The following RRH variants were observed in gnomAD, a reference collection of about 807,000 sequenced individuals.
RRH encodes the protein retinal pigment epithelium-derived rhodopsin homolog.
Under a neutral mutation model 33.1 loss-of-function variants are expected in RRH, and 36 were observed. The observed-to-expected ratio is 1.09, with a 90% CI of 0.83 to 1.44. RRH has a LOEUF of 1.44. Among genes scored for constraint, RRH ranks in the 40% most tolerant of loss-of-function variants. RRH has a pLI of 0.00. For synonymous variants in RRH, 124 were observed against 140.2 expected (o/e 0.88, Z 0.82); for missense variants, 393 against 420.2 (o/e 0.94, Z 0.57).
chr4:109,828,078 C>T lies in RRH; in HGVS notation c.51C>T (p.Gly17=), dbSNP rs761459177. 2.5e-6 allele frequency: 4 copies of T among 1,612,854 alleles called. No homozygotes were observed. In the Admixed American group the frequency reaches 6.7e-5, roughly 27 times the overall value. ...GNSSDSKNED[G]SVFSQTEHNI... ...GTTCAGACTCTAAAAATGAAGATGG[C>T]TCGGTCTTTTCACAGACTGAACACA... Residue 17 remains glycine (G), a synonymous_variant, in exon 1 of 7, where the codon GGC becomes GGT. Transcript: ENST00000317735.
Position 109,837,625 on chromosome 4 carries a change from G to A in RRH, c.720+20G>A, listed in dbSNP as rs748238560. The stretch of plus-strand genomic sequence containing the variant: ...ACAAAGGTAAGAGATCAAAATCCTT[G>A]AAAAATTGTTGTCATGGAGCTTTTA... On this transcript the variant is annotated intron_variant, in intron 5 of 6. Coordinates refer to ENST00000317735, the MANE Select transcript of RRH (RefSeq NM_006583.5). 1.2e-6 allele frequency: 2 copies of A among 1,606,272 alleles called. No homozygotes were observed. The highest frequency in any genetic ancestry group is 4.5e-5 in the East Asian group (2 of 44,624).
chr4:109,837,661 G>A, intron 5 of RRH, 56 bp downstream of exon 5: 1 of 1,383,716 alleles, frequency 7.2e-7, no homozygotes, highest in Non-Finnish European at 1.0e-6. Flanking sequence ...CCCACTCATA[G>A]TTGAAAGAGT....
intron 2 of RRH, 74 bp downstream of exon 2, chr4:109,833,403 C>A (rs1053687312): frequency 4.2e-6 from 5 of 1,198,826 alleles, no homozygotes; most frequent in African/African-American, 3.0e-5. Context: ...TAAAACGAAT[C>A]CCAAGAGTTT....
Position 109,844,734 on chromosome 4 carries a change from T to C in RRH, c.*537T>C, listed in dbSNP as rs1455617401. 1.9e-5 allele frequency: 3 copies of C among 154,008 alleles called. No homozygotes were observed. The allele number at this position is 154,008 out of a possible 1,614,324, so 9.5% of individuals were successfully genotyped here. A position where few individuals can be genotyped will look rare whatever the true frequency, so the allele number is the denominator to read the frequency against. On this transcript the variant is annotated 3_prime_UTR_variant, in exon 7 of 7. Coordinates refer to ENST00000317735, the MANE Select transcript of RRH (RefSeq NM_006583.5). ...GTTAAGTCAATGCATATATATTATA[T>C]AGCATTATGACCCCTGTGCATATTT...
rs1214521427 is a variant in RRH at position 109,833,150 on chromosome 4, A to G, written c.118A>G (p.Ile40Val). 3 of 1,612,598 alleles carry G rather than the reference A, an allele frequency of 1.9e-6. No individual in the cohort carries two copies. In the South Asian group the frequency reaches 3.3e-5, roughly 18 times the overall value. The change falls in exon 2 of 7, where the codon ATT becomes GTT. Residue 40 changes from isoleucine to valine, a missense_variant. By Grantham distance (29) the Ile-to-Val change is conservative (BLOSUM62 3). Coordinates refer to ENST00000317735, the MANE Select transcript of RRH (RefSeq NM_006583.5). ...TYLIMAGMISIISNIIVLGIF... is the reference protein window; with the variant it reads ...TYLIMAGMISVISNIIVLGIF... ...GTGTGTGTTCTCAGGTATGATAAGT[A>G]TTATCAGCAACATAATAGTTCTGGG...
At chr4:109,842,326 A>C (rs892053396) in intron 5 of RRH, 143 bp from the exon 6 acceptor site, 1 of 783,938 alleles carries the variant, frequency 1.3e-6, no homozygotes, top group Admixed American at 2.7e-5. Context: ...GAAGGCAGAA[A>C]AAAAACTCAA....
Position 109,837,607 on chromosome 4 carries a change from TA to T in RRH, c.720+4del. ...TCAGATCAGATAGATGTAACAAAGGTAAGAGATCAAAATCCTTGAAAAATTG... is the reference window on the plus strand; with the variant it reads ...TCAGATCAGATAGATGTAACAAAGGTAGAGATCAAAATCCTTGAAAAATTG... On this transcript the variant is annotated splice_donor_region_variant and intron_variant, in intron 5 of 6. Coordinates refer to ENST00000317735, the MANE Select transcript of RRH (RefSeq NM_006583.5). The T allele has an allele frequency of 6.2e-7, 1 of 1,612,762 alleles. No homozygotes were observed. Among genetic ancestry groups the T allele is most frequent in the Non-Finnish European group, 8.5e-7 (1 of 1,179,042 alleles).
chr4:109,839,836 C>T (rs548368496), intron 5 of RRH, among the ~76,000 whole-genome samples: 4 of 152,308 alleles, frequency 2.6e-5, no homozygotes, highest in Non-Finnish European at 5.9e-5. Context: ...ATATGTACCA[C>T]ATTTTCTTTA....
chr4:109,835,296 A>C, intron 2 of RRH, 70 bp from the exon 3 acceptor site: 5 of 1,032,132 alleles, frequency 4.8e-6, no homozygotes, highest in Non-Finnish European at 7.7e-6. Flanking sequence ...TATTCTAACA[A>C]TGGACAAAAA....
Position 109,828,059 on chromosome 4 carries a change from ACT to A in RRH, c.35_36del (p.Ser12Ter). On this transcript the variant is annotated frameshift_variant, in exon 1 of 7. Coordinates refer to ENST00000317735, the MANE Select transcript of RRH (RefSeq NM_006583.5). LOFTEE classifies it high-confidence loss of function. The stretch of plus-strand genomic sequence containing the variant: ...AGAAATAATTTAGGCAACAGTTCAG[ACT>A]CTAAAAATGAAGATGGCTCGGTCTT... 4.3e-6 allele frequency: 7 copies of A among 1,612,402 alleles called. No homozygotes were observed. Among genetic ancestry groups the A allele is most frequent in the Non-Finnish European group, 5.9e-6 (7 of 1,178,630 alleles).
At chr4:109,841,086 T>C (rs1733973964) in intron 5 of RRH, among the ~76,000 whole-genome samples, 1 of 152,302 alleles carries the variant, frequency 6.6e-6, no homozygotes, top group Non-Finnish European at 1.5e-5. Flanking sequence ...ATATTACACA[T>C]GATGCAGATA....
Position 109,844,162 on chromosome 4 carries a change from G to A in RRH, c.979G>A (p.Val327Ile), listed in dbSNP as rs776741686. The A allele has an allele frequency of 1.8e-5, 29 of 1,612,990 alleles. No homozygotes were observed. In the Admixed American group the frequency reaches 4.0e-4, roughly 22 times the overall value. ...MPVTSILPMD[V>I]SQNPLASGRI Reference sequence around the variant, plus strand: ...TGTGACAAGTATTTTACCCATGGATGTATCTCAAAACCCATTGGCTTCTGG... The same window carrying A: ...TGTGACAAGTATTTTACCCATGGATATATCTCAAAACCCATTGGCTTCTGG... Residue 327 changes from valine to isoleucine, a missense_variant, in exon 7 of 7, where the codon GTA (valine) becomes ATA (isoleucine). Coordinates refer to ENST00000317735, the MANE Select transcript of RRH (RefSeq NM_006583.5).
Position 109,837,538 on chromosome 4 carries a change from A to T in RRH, c.653A>T (p.His218Leu). The change falls in exon 5 of 7, where the codon CAT (histidine) becomes CTT (leucine). Residue 218 changes from histidine to leucine, a missense_variant. Transcript: ENST00000317735. The part of the protein sequence containing the change: ...CYYHVTLSIK[H>L]HTTSDCTESL... Reference sequence around the variant, plus strand: ...TACCATGTCACGCTATCCATTAAACATCACACTACCAGTGACTGCACTGAG... The same window carrying T: ...TACCATGTCACGCTATCCATTAAACTTCACACTACCAGTGACTGCACTGAG... 6.2e-7 allele frequency: 1 copy of T among 1,613,984 alleles called. No individual in the cohort carries two copies. Among genetic ancestry groups the T allele is most frequent in the South Asian group, 1.1e-5 (1 of 91,080 alleles).
chr4:109,839,709 G>A (rs1733951363), intron 5 of RRH, among the ~76,000 whole-genome samples: 1 of 152,140 alleles, frequency 6.6e-6, no homozygotes, highest in Admixed American at 6.5e-5. Flanking sequence ...AGAACATAAG[G>A]TATTTGGTTT....
chr4:109,836,877 A>G (rs1733893997), intron 4 of RRH, among the ~76,000 whole-genome samples: 1 of 125,666 alleles, frequency 8.0e-6, no homozygotes, highest in African/African-American at 3.0e-5. Flanking sequence ...CAACATATTG[A>G]GACCCTGTCT....
At chr4:109,834,327 T>TC (rs1733831431) in intron 2 of RRH, among the ~76,000 whole-genome samples, 1 of 94,464 alleles carries the variant, frequency 1.1e-5, no homozygotes, top group African/African-American at 4.1e-5. Context: ...TTCTTTTCCT[T>TC]TTTTTTTTTT....
intron 2 of RRH, 83 bp from the exon 3 acceptor site, chr4:109,835,283 A>ATATATT: frequency 1.2e-6 from 1 of 860,348 alleles, no homozygotes; most frequent in Non-Finnish European, 2.0e-6. Flanking sequence ...TATATTTGAG[A>ATATATT]TATATTCTAA....
chr4:109,835,358 G>A lies in RRH; in HGVS notation c.298-8G>A. ...GAATGGTAGAGTCTTTTCAATTTTG[G>A]TTTTCAGGTTTATGCTGGATTGAAT... On this transcript the variant is annotated splice_polypyrimidine_tract_variant and splice_region_variant and intron_variant, in intron 2 of 6. Coordinates refer to ENST00000317735, the MANE Select transcript of RRH (RefSeq NM_006583.5). 1 of 1,607,438 alleles carries A rather than the reference G, an allele frequency of 6.2e-7. No homozygotes were observed. Among genetic ancestry groups the A allele is most frequent in the African/African-American group, 1.3e-5 (1 of 74,870 alleles).
intron 5 of RRH, among the ~76,000 whole-genome samples, chr4:109,840,009 G>A (rs1278703441): frequency 6.6e-6 from 1 of 152,178 alleles, no homozygotes; most frequent in African/African-American, 2.4e-5. Context: ...GGGACAAATG[G>A]TATTTCTGTC....
Sources: allele counts gnomAD v4.1 joint callset (sites outside exome capture counted in the v4.1 genomes callset), GRCh38; gene constraint gnomAD v4.1.1; transcripts MANE v1.5; gene names NCBI Gene and HGNC (gene_info 2026-07-23, HGNC 2026-07-21).